ARK2C: variants seen among roughly 807,000 people sequenced by gnomAD.
ARK2C encodes arkadia (RNF111) C-terminal like ring finger ubiquitin ligase 2C, also known as E3 ubiquitin-protein ligase ARK2C.
chr18:46,371,811 A>T, the ARK2C span, among the ~76,000 whole-genome samples: 1 of 152,244 alleles, frequency 6.6e-6, no homozygotes, highest in Admixed American at 6.5e-5. Flanking sequence ...ACAAAGTGGC[A>T]GGTGGAATTT....
chr18:46,397,535 TGTGG>T, the ARK2C span, among the ~76,000 whole-genome samples: 1 of 130,654 alleles, frequency 7.7e-6, no homozygotes, highest in African/African-American at 3.2e-5. Context: ...GTGGTGTGTG[TGTGG>T]GGTCATGCTG....
the ARK2C span, among the ~76,000 whole-genome samples, chr18:46,362,690 A>G: frequency 6.6e-6 from 1 of 152,260 alleles, no homozygotes; most frequent in Non-Finnish European, 1.5e-5. Flanking sequence ...TTCAGTGAAC[A>G]AAGAATAATG....
the ARK2C span, among the ~76,000 whole-genome samples, chr18:46,341,432 G>A: frequency 1.3e-5 from 2 of 152,066 alleles, no homozygotes; most frequent in Non-Finnish European, 2.9e-5. Context: ...TGAGGGGCAG[G>A]AGGTCTTTGG....
the ARK2C span, among the ~76,000 whole-genome samples, chr18:46,379,573 C>T: frequency 6.6e-6 from 1 of 152,224 alleles, no homozygotes; most frequent in African/African-American, 2.4e-5. Flanking sequence ...TTGAGGCCTT[C>T]TCTTCCCACC....
the ARK2C span, among the ~76,000 whole-genome samples, chr18:46,352,338 T>C: frequency 2.0e-4 from 31 of 152,208 alleles, no homozygotes; most frequent in Non-Finnish European, 3.4e-4. Flanking sequence ...ACTGGCTATA[T>C]TGGGTACACA....
At chr18:46,406,927 G>A in the ARK2C span, among the ~76,000 whole-genome samples, 1 of 152,184 alleles carries the variant, frequency 6.6e-6, no homozygotes, top group African/African-American at 2.4e-5. Flanking sequence ...GGTAGGGAAA[G>A]GGTGGCTGTC....
chr18:46,396,870 TG>T, the ARK2C span, among the ~76,000 whole-genome samples: 2 of 152,184 alleles, frequency 1.3e-5, no homozygotes, highest in Non-Finnish European at 2.9e-5. Context: ...TGACGTGGGT[TG>T]GGTGGATTTT....
the ARK2C span, among the ~76,000 whole-genome samples, chr18:46,406,567 G>T: frequency 6.6e-6 from 1 of 152,232 alleles, no homozygotes; most frequent in South Asian, 2.1e-4. Flanking sequence ...GCTCAGAGAG[G>T]TCCTGGCTTG....
At chr18:46,372,156 C>T in the ARK2C span, among the ~76,000 whole-genome samples, 3 of 152,128 alleles carry the variant, frequency 2.0e-5, no homozygotes, top group Non-Finnish European at 4.4e-5. Context: ...AGGAGCTGGA[C>T]GGGGCTATAC....
At chr18:46,383,593 C>A in the ARK2C span, among the ~76,000 whole-genome samples, 1 of 125,250 alleles carries the variant, frequency 8.0e-6, no homozygotes, top group Non-Finnish European at 1.6e-5. Context: ...CTCACTCTGT[C>A]ACCCAGATTG....
At chr18:46,371,419 A>C in the ARK2C span, among the ~76,000 whole-genome samples, 1 of 152,182 alleles carries the variant, frequency 6.6e-6, no homozygotes, top group Admixed American at 6.5e-5. Context: ...ACCTCATCCC[A>C]GGGATGACCC....
At chr18:46,411,587 T>C in the ARK2C span, among the ~76,000 whole-genome samples, 1 of 152,212 alleles carries the variant, frequency 6.6e-6, no homozygotes, top group African/African-American at 2.4e-5. Flanking sequence ...ACGGAGTTGA[T>C]ATTCTATATG....
the ARK2C span, among the ~76,000 whole-genome samples, chr18:46,350,920 G>C: frequency 6.6e-6 from 1 of 152,204 alleles, no homozygotes; most frequent in Non-Finnish European, 1.5e-5. Flanking sequence ...GAAGAGGGCC[G>C]GGTTTAATTT....
At chr18:46,418,598 A>G in the ARK2C span, among the ~76,000 whole-genome samples, 2 of 152,262 alleles carry the variant, frequency 1.3e-5, no homozygotes, top group Non-Finnish European at 2.9e-5. Flanking sequence ...TTGCAGTTCC[A>G]CAATGGCAAG....
At chr18:46,431,089 T>G in the ARK2C span, among the ~76,000 whole-genome samples, 1 of 152,128 alleles carries the variant, frequency 6.6e-6, no homozygotes, top group African/African-American at 2.4e-5. Context: ...TTCCCCTCTC[T>G]GTGTCCATGT....
the ARK2C span, among the ~76,000 whole-genome samples, chr18:46,392,454 G>A: frequency 1.3e-5 from 2 of 152,238 alleles, no homozygotes; most frequent in African/African-American, 2.4e-5. Context: ...CACATTTGGC[G>A]GGAATGGACA....
chr18:46,436,918 G>A, the ARK2C span, among the ~76,000 whole-genome samples: 2 of 152,174 alleles, frequency 1.3e-5, no homozygotes, highest in African/African-American at 4.8e-5. Flanking sequence ...TGAGTGATTG[G>A]AACACACACA....
At chr18:46,404,734 C>T in the ARK2C span, among the ~76,000 whole-genome samples, 10 of 151,982 alleles carry the variant, frequency 6.6e-5, no homozygotes, top group Non-Finnish European at 1.5e-4. Context: ...GCCTGGGGCA[C>T]AGAGCGAGAC....
chr18:46,424,565 C>T, the ARK2C span, among the ~76,000 whole-genome samples: 360 of 152,292 alleles, frequency 2.4e-3, 8 homozygotes, highest in East Asian at 0.044. Flanking sequence ...AGGACCCTGG[C>T]GGCGGTACAA....
Sources: gnomAD v4.1 joint callset for allele counts (sites outside exome capture counted in the v4.1 genomes callset) on GRCh38, gnomAD v4.1.1 for gene constraint, MANE v1.5 for transcripts, NCBI Gene and HGNC (gene_info 2026-07-23, HGNC 2026-07-21) for gene names.